Variants in RALGDS observed in about 807,000 individuals in gnomAD.
The protein encoded by RALGDS is ral guanine nucleotide dissociation stimulator.
Under a neutral mutation model 99.8 loss-of-function variants are expected in RALGDS, and 44 were observed. The ratio of observed to expected loss-of-function variants is 0.44; its 90% CI spans 0.35 to 0.57. The LOEUF is 0.57. Ranked by LOEUF, RALGDS falls within the 20% of genes least tolerant of loss-of-function variation. The pLI, the probability that RALGDS is intolerant of heterozygous loss-of-function variation, is 0.01. For missense variants in RALGDS, 1,022 were observed against 1,203.1 expected (o/e 0.85, Z 2.23); for synonymous variants, 529 against 505.0 (o/e 1.05, Z -0.64).
At chr9:133,105,100 C>T (rs532931517) in intron 9 of RALGDS, among the ~76,000 whole-genome samples, 5 of 152,280 alleles carry the variant, frequency 3.3e-5, no homozygotes, top group African/African-American at 4.8e-5. Flanking sequence ...CTGGGCTTCT[C>T]GTGCATGCCA....
chr9:133,098,837 C>G, intron 17 of RALGDS, 75 bp from the exon 18 acceptor site: 1 of 1,468,592 alleles, frequency 6.8e-7, no homozygotes, highest in Non-Finnish European at 9.5e-7. Context: ...GCTTGAGAGC[C>G]CATACAAGGA....
chr9:133,143,771 TAACAACAACAAC>T (rs759265482), intron 1 of RALGDS, among the ~76,000 whole-genome samples: 174 of 111,600 alleles, frequency 1.6e-3, no homozygotes, highest in African/African-American at 5.7e-3. Flanking sequence ...ATAATAATAA[TAACAACAACAAC>T]AACAATAATA....
In RALGDS at chr9:133,110,421, C is replaced by T. The variant is rs150570612; in HGVS notation, c.363G>A (p.Leu121=). ...GCACCAGGTGCTCCACCAGCTTCTC[C>T]AGCGTGCCAGCCTTCACGGTCCGCA... ...CKVRTVKAGT[L]EKLVEHLVPA... is the part of the protein sequence containing the mutation. Residue 121 remains leucine (L), a synonymous_variant, in exon 3 of 18, where the codon CTG becomes CTA. Coordinates refer to ENST00000372050, the MANE Select transcript of RALGDS (RefSeq NM_006266.4). The T allele has an allele frequency of 2.5e-6, 4 of 1,613,334 alleles. No individual in the cohort carries two copies. The African/African-American group carries it at 5.3e-5, about 22-fold the overall frequency.
chr9:133,130,979 C>G, exon 1 of RALGDS: 1 of 1,535,600 alleles, frequency 6.5e-7, no homozygotes, highest in Non-Finnish European at 8.7e-7. Context: ...CGGGTGGATG[C>G]CCAGTCCCTG....
At chr9:133,126,374 C>T (rs999867514) in intron 1 of RALGDS, among the ~76,000 whole-genome samples, 1 of 152,216 alleles carries the variant, frequency 6.6e-6, no homozygotes, top group African/African-American at 2.4e-5. Flanking sequence ...CAGCCAGATC[C>T]CACCCACACA....
At chr9:133,142,292 T>C (rs1238042443) in intron 1 of RALGDS, among the ~76,000 whole-genome samples, 1 of 152,116 alleles carries the variant, frequency 6.6e-6, no homozygotes, top group Non-Finnish European at 1.5e-5. Flanking sequence ...CAGGCTCTAA[T>C]GAAGGTCCTG....
At chr9:133,138,744 C>G (rs967516907) in intron 1 of RALGDS, among the ~76,000 whole-genome samples, 1 of 152,220 alleles carries the variant, frequency 6.6e-6, no homozygotes, top group Admixed American at 6.5e-5. Flanking sequence ...AAGCAATTCT[C>G]CTGCCTCAGC....
rs1171597216 is a variant in RALGDS at position 133,102,758 on chromosome 9, CA to C, written c.1913+20del. On this transcript the variant is annotated intron_variant, in intron 13 of 17. Coordinates refer to ENST00000372050, the MANE Select transcript of RALGDS (RefSeq NM_006266.4). ...TAGGACAGCCTGCCCCCACTGTCCC[CA>C]TTTGCTGCCCCGGCCTCACCTCTCA... 1 of 1,608,844 alleles carries C rather than the reference CA, an allele frequency of 6.2e-7. No individual in the cohort carries two copies. The highest frequency in any genetic ancestry group is 8.5e-7 in the Non-Finnish European group (1 of 1,179,156).
chr9:133,111,279 A>G (rs766180371), intron 2 of RALGDS, among the ~76,000 whole-genome samples: 2 of 152,094 alleles, frequency 1.3e-5, no homozygotes, highest in African/African-American at 2.4e-5. Flanking sequence ...GACGCACAGC[A>G]TCTTCCCCGT....
chr9:133,143,279 G>A (rs1244716598), intron 1 of RALGDS, among the ~76,000 whole-genome samples: 1 of 152,226 alleles, frequency 6.6e-6, no homozygotes, highest in African/African-American at 2.4e-5. Context: ...TTCCACAGAA[G>A]CCAGGGTGCT....
Position 133,121,189 on chromosome 9 carries a change from G to GCGCGCGGCGGGGGCGGCGGCGCGGCC in RALGDS, c.-61_-36dup, listed in dbSNP as rs1175433794. The GCGCGCGGCGGGGGCGGCGGCGCGGCC allele has an allele frequency of 2.2e-5, 20 of 899,890 alleles. No individual in the cohort carries two copies. The highest frequency in any genetic ancestry group is 1.5e-4 in the African/African-American group (8 of 54,370). 55.7% of individuals were successfully genotyped at this position (899,890 alleles called of 1,614,324 possible). A position where few individuals can be genotyped will look rare whatever the true frequency, so the allele number is the denominator to read the frequency against. On this transcript the variant is annotated 5_prime_UTR_variant, in exon 1 of 18. Coordinates refer to ENST00000372050, the MANE Select transcript of RALGDS (RefSeq NM_006266.4). ...GCAGCGCGGGCGCGGGGCCGGCCCG[G>GCGCGCGGCGGGGGCGGCGGCGCGGCC]CGCGCGGCGGGGGCGGCGGCGCGGC...
chr9:133,123,693 C>A (rs1319530041), upstream of RALGDS, among the ~76,000 whole-genome samples: 3 of 150,598 alleles, frequency 2.0e-5, no homozygotes, highest in African/African-American at 7.4e-5. Context: ...CACACACAGA[C>A]AGACACAAAG....
rs779751243 is a variant in RALGDS at position 133,100,348 on chromosome 9, C to A, written c.2489G>T (p.Arg830Leu). The A allele has an allele frequency of 1.9e-6, 3 of 1,614,074 alleles. No individual in the cohort carries two copies. The highest frequency in any genetic ancestry group is 2.2e-5 in the East Asian group (1 of 44,896). ...CAGGTTGTGTTTGTCCATGGCCTTG[C>A]GGATTACAGCCGGAGCCTTATCTTG... ...TSQDKAPAVI[R>L]KAMDKHNLEE... is the part of the protein sequence containing the mutation. Residue 830 changes from arginine to leucine, a missense_variant, in exon 17 of 18, where the codon CGC becomes CTC. Arg to Leu is a moderately radical substitution (Grantham distance 102). This residue lies in a region of RALGDS where 825 missense variants were observed against 994.5 expected (regional missense o/e 0.83). Coordinates refer to ENST00000372050, the MANE Select transcript of RALGDS (RefSeq NM_006266.4).
chr9:133,116,739 G>A (rs533588607), intron 1 of RALGDS, among the ~76,000 whole-genome samples: 1 of 152,348 alleles, frequency 6.6e-6, no homozygotes, highest in East Asian at 1.9e-4. Context: ...TCCTCCTAAC[G>A]CCCTGCCTGA....
intron 14 of RALGDS, 26 bp downstream of exon 14, chr9:133,102,450 C>T (rs1435479941): frequency 1.2e-6 from 2 of 1,607,832 alleles, no homozygotes; most frequent in South Asian, 1.1e-5. Flanking sequence ...GGCAGCTGCC[C>T]CTACCACCCT....
In RALGDS at chr9:133,102,556, G is replaced by T; in HGVS notation, c.1929C>A (p.Cys643Ter). Residue 643 changes from cysteine (C) to a stop codon, truncating the protein, a stop_gained, in exon 14 of 18, where the codon TGC becomes TGA. Coordinates refer to ENST00000372050, the MANE Select transcript of RALGDS (RefSeq NM_006266.4). LOFTEE classifies it high-confidence loss of function. ...CTGACTCGGATGGGGGCTCCAGCTC[G>T]CACGACAGGTTGTAGCTATGAGCAG... Reference protein sequence around the residue: ...LSETESYNLSCELEPPSESAS... With the variant: ...LSETESYNLS 1.2e-6 allele frequency: 2 copies of T among 1,614,030 alleles called. No individual in the cohort carries two copies. Among genetic ancestry groups the T allele is most frequent in the Non-Finnish European group, 1.7e-6 (2 of 1,180,016 alleles).
At chr9:133,131,418 G>T (rs1166847555), upstream of RALGDS, among the ~76,000 whole-genome samples, 1 of 151,928 alleles carries the variant, frequency 6.6e-6, no homozygotes, top group African/African-American at 2.4e-5. Flanking sequence ...CACCATTTCT[G>T]TCCCACCCAG....
rs146190679 is a variant in RALGDS, at chr9:133,101,736, G to A, written c.2238C>T (p.Ser746=). The A allele has an allele frequency of 1.1e-3, 1,824 of 1,612,316 alleles. No individual in the cohort carries two copies. Among genetic ancestry groups the A allele is most frequent in the Middle Eastern group, 1.5e-3 (9 of 6,058 alleles). The change falls in exon 16 of 18, where the codon TCC becomes TCT. Residue 746 remains serine, a synonymous_variant. Transcript: ENST00000372050. The stretch of plus-strand genomic sequence containing the variant: ...CTGAGCTGATGCCGGAGGTCTCCGG[G>A]GATGACTGTGAGGCTGATTCCCAGA... ...KKFWESASQS[S]PETSGISSAS...
chr9:133,103,856 T>G (rs1179953086), intron 10 of RALGDS, 23 bp from the exon 11 acceptor site: 11 of 1,604,968 alleles, frequency 6.9e-6, no homozygotes, highest in South Asian at 1.1e-5. Flanking sequence ...GGTAGGAGGA[T>G]GAGCAAGGCC....
Sources: gnomAD v4.1 joint callset for allele counts (sites outside exome capture counted in the v4.1 genomes callset) on GRCh38, gnomAD v4.1.1 for gene constraint, gnomAD v4.1.1 regional missense constraint, MANE v1.5 for transcripts, NCBI Gene and HGNC (gene_info 2026-07-23, HGNC 2026-07-21) for gene names.